Variants in PREX2 observed in about 807,000 individuals in gnomAD.
PREX2 encodes phosphatidylinositol-3,4,5-trisphosphate dependent Rac exchange factor 2.
A neutral mutation model predicts 203.2 loss-of-function variants in PREX2; 107 were observed. The ratio of observed to expected loss-of-function variants is 0.53; its 90% CI spans 0.45 to 0.62. The LOEUF is 0.62. Among genes scored for constraint, PREX2 ranks in the 20% least tolerant of loss-of-function variants. PREX2 has a pLI of 0.00. For missense variants in PREX2, 1,777 were observed against 1,955.9 expected, an observed-to-expected ratio of 0.91 and a Z score of 1.72; for synonymous variants, 672 against 663.6, an observed-to-expected ratio of 1.01 and a Z score of -0.19.
chr8:68,057,966 A>G (rs1249606508), intron 10 of PREX2, among the ~76,000 whole-genome samples: 1 of 152,186 alleles, frequency 6.6e-6, no homozygotes, highest in Admixed American at 6.5e-5. Context: ...GTTCATTGTG[A>G]TGCTATATGA....
chr8:68,030,692 A>G (rs1807857649), intron 6 of PREX2, 34 bp downstream of exon 6: 1 of 1,608,898 alleles, frequency 6.2e-7, no homozygotes, highest in Non-Finnish European at 8.5e-7. Flanking sequence ...CGAGCTTAAG[A>G]TAGTTTTATG....
chr8:68,006,624 T>C (rs1807105949), intron 1 of PREX2, among the ~76,000 whole-genome samples: 1 of 152,140 alleles, frequency 6.6e-6, no homozygotes, highest in South Asian at 2.1e-4. Context: ...CACCCCCCAA[T>C]ATTGGACCTA....
In PREX2 at chr8:68,087,864, G is replaced by A. The variant is rs367546563; in HGVS notation, c.2113+55G>A. 114 of 1,099,168 alleles carry A rather than the reference G, an allele frequency of 1.0e-4. No individual in the cohort carries two copies. In the African/African-American group the frequency reaches 1.1e-3, roughly 11 times the overall value. 68.1% of individuals were successfully genotyped at this position (1,099,168 alleles called of 1,614,324 possible). On this transcript the variant is annotated intron_variant, in intron 19 of 39. Transcript: ENST00000288368. ...TTTCCAGCAGGTTTGGGATGTGCCC[G>A]ATGGAACAGGAATGTGTTTAAAATA...
intron 6 of PREX2, among the ~76,000 whole-genome samples, chr8:68,036,467 C>T (rs1224367826): frequency 6.6e-6 from 1 of 151,962 alleles, no homozygotes; most frequent in Non-Finnish European, 1.5e-5. Flanking sequence ...ACTTATCATC[C>T]AGGGTTGGCT....
intron 1 of PREX2, among the ~76,000 whole-genome samples, chr8:67,999,478 C>CAAAAAAAAAAAAA (rs58916146): frequency 1.1e-5 from 1 of 92,102 alleles, no homozygotes; most frequent in Non-Finnish European, 2.1e-5. Flanking sequence ...GCCAACAAAC[C>CAAAAAAAAAAAAA]AAAAAAAAAA....
At chr8:68,071,858 A>C (rs563481495) in intron 13 of PREX2, among the ~76,000 whole-genome samples, 12 of 152,144 alleles carry the variant, frequency 7.9e-5, no homozygotes, top group Non-Finnish European at 1.3e-4. Context: ...CTGTAGTGCA[A>C]ATCCAGCCTT....
chr8:68,068,381 G>T (rs182179089), intron 11 of PREX2, among the ~76,000 whole-genome samples: 1 of 151,814 alleles, frequency 6.6e-6, no homozygotes, highest in Admixed American at 6.6e-5. Context: ...AAGAATGAAC[G>T]GTCTTGTTTT....
chr8:68,142,085 G>A (rs543711807), intron 33 of PREX2, among the ~76,000 whole-genome samples: 25 of 152,080 alleles, frequency 1.6e-4, no homozygotes, highest in African/African-American at 5.8e-4. Flanking sequence ...TAGCCCTCAC[G>A]ATAGAGGCAC....
intron 23 of PREX2, among the ~76,000 whole-genome samples, chr8:68,103,182 T>G (rs1810313007): frequency 6.6e-6 from 1 of 152,204 alleles, no homozygotes; most frequent in Non-Finnish European, 1.5e-5. Flanking sequence ...TACTTATTAA[T>G]GCCATGTAAT....
Position 68,017,829 on chromosome 8 carries a change from C to T in PREX2, c.142-17C>T, listed in dbSNP as rs779034759. ...TAACCTAATGTTACCTTCATAATGT[C>T]TTCTTGTTTCATGCAGGCATTCTTA... On this transcript the variant is annotated splice_polypyrimidine_tract_variant and intron_variant, in intron 1 of 39. Transcript: ENST00000288368. 9 of 1,606,128 alleles carry T rather than the reference C, an allele frequency of 5.6e-6. No homozygotes were observed. The East Asian group carries it at 2.0e-4, about 36-fold the overall frequency.
intron 31 of PREX2, among the ~76,000 whole-genome samples, chr8:68,130,295 A>G (rs1810981610): frequency 6.6e-6 from 1 of 152,074 alleles, no homozygotes; most frequent in African/African-American, 2.4e-5. Context: ...CTCTTAAAAA[A>G]CAAAACAAAA....
intron 1 of PREX2, among the ~76,000 whole-genome samples, chr8:67,976,975 T>A (rs1806129903): frequency 6.6e-6 from 1 of 152,196 alleles, no homozygotes; most frequent in African/African-American, 2.4e-5. Context: ...TTCACAAAAT[T>A]GTGAGCAAAA....
At chr8:68,053,505 ATAAT>A (rs1290845846) in intron 9 of PREX2, among the ~76,000 whole-genome samples, 1 of 152,232 alleles carries the variant, frequency 6.6e-6, no homozygotes, top group Non-Finnish European at 1.5e-5. Context: ...AGTTAGCAAA[ATAAT>A]TATGTTATGG....
In PREX2 at chr8:68,146,287, A is replaced by G. The variant is rs200596961; in HGVS notation, c.4166A>G (p.Glu1389Gly). ...TTCTACATTGATAGTTATCATTTTG[A>G]ACAACTTCCTCAACGGCTGAAAAAT... ...VYFYIDSYHF[E>G]QLPQRLKNGG... The change falls in exon 34 of 40, where the codon GAA (glutamate) becomes GGA (glycine). Residue 1389 changes from glutamate (E) to glycine (G), a missense_variant. Transcript: ENST00000288368. 3.7e-6 allele frequency: 6 copies of G among 1,612,918 alleles called. No individual in the cohort carries two copies. The highest frequency in any genetic ancestry group is 5.1e-6 in the Non-Finnish European group (6 of 1,179,372).
intron 5 of PREX2, among the ~76,000 whole-genome samples, chr8:68,029,893 A>G (rs565629834): frequency 1.3e-3 from 192 of 152,314 alleles, no homozygotes; most frequent in African/African-American, 4.4e-3. Context: ...ATTGAGGGGT[A>G]TATGGCAGTT....
At chr8:68,092,846 G>A (rs548793725) in intron 20 of PREX2, among the ~76,000 whole-genome samples, 1 of 152,106 alleles carries the variant, frequency 6.6e-6, no homozygotes, top group East Asian at 1.9e-4. Flanking sequence ...AAGAGATGGG[G>A]TCTCACTACG....
intron 1 of PREX2, among the ~76,000 whole-genome samples, chr8:67,993,910 T>C (rs1053409751): frequency 1.3e-5 from 2 of 152,150 alleles, no homozygotes; most frequent in Non-Finnish European, 2.9e-5. Context: ...GATCTAGGAT[T>C]CGAAGGATAG....
At chr8:68,211,787 C>A (rs370438751) in intron 37 of PREX2, among the ~76,000 whole-genome samples, 1 of 151,932 alleles carries the variant, frequency 6.6e-6, no homozygotes, top group Non-Finnish European at 1.5e-5. Flanking sequence ...TGACTGAAAG[C>A]GTAAAGAAGT....
chr8:68,007,407 T>G (rs1176143039), intron 1 of PREX2, among the ~76,000 whole-genome samples: 2 of 152,240 alleles, frequency 1.3e-5, no homozygotes, highest in African/African-American at 4.8e-5. Flanking sequence ...ATGCAATACT[T>G]GTTCCTCCTA....
Sources: gnomAD v4.1 joint callset for allele counts (sites outside exome capture counted in the v4.1 genomes callset) on GRCh38, gnomAD v4.1.1 for gene constraint, MANE v1.5 for transcripts, NCBI Gene and HGNC (gene_info 2026-07-23, HGNC 2026-07-21) for gene names.